Variants in SLC14A2 observed in about 807,000 individuals in gnomAD.
SLC14A2 encodes urea transporter 2.
A neutral mutation model predicts 104.6 loss-of-function variants in SLC14A2; 91 were observed. That is an observed-to-expected ratio of 0.87 (90% CI 0.73 to 1.04). The LOEUF (loss-of-function observed/expected upper bound fraction) is 1.04, where lower values mean the gene tolerates loss of function less well. SLC14A2 is among the 50% of genes least tolerant of loss of function. The pLI is 0.00. For synonymous variants in SLC14A2, 476 were observed against 466.4 expected, an observed-to-expected ratio of 1.02 and a Z score of -0.27; for missense variants, 1,189 against 1,156.0, an observed-to-expected ratio of 1.03 and a Z score of -0.41.
At chr18:45,277,230 T>C (rs985229944) in intron 1 of SLC14A2, among the ~76,000 whole-genome samples, 3 of 152,216 alleles carry the variant, frequency 2.0e-5, no homozygotes, top group Admixed American at 1.3e-4. Context: ...CAAGTAACCA[T>C]ATTTTATGAA....
At chr18:45,279,621 C>G (rs2084740733) in intron 1 of SLC14A2, among the ~76,000 whole-genome samples, 1 of 151,926 alleles carries the variant, frequency 6.6e-6, no homozygotes, top group African/African-American at 2.4e-5. Context: ...AGCAGAAGAT[C>G]TTTTTGCCAG....
At position 45,642,506 on chromosome 18, in the gene SLC14A2, C is replaced by T. The variant is rs112273597; in HGVS notation, c.1127-626C>T. Among the ~76,000 whole-genome samples the T allele has an allele frequency of 8.5e-5, 13 of 152,194 alleles. 1 individual carries two copies. Among genetic ancestry groups the T allele is most frequent in the Admixed American group, 2.0e-4 (3 of 15,282 alleles). ...ACAAAGAGAGAGGGAAGAGGTGTTC[C>T]GGACAGAGAAGGAGAAAGAGCAAAG... is the stretch of plus-strand genomic sequence containing the variant. On this transcript the variant is annotated intron_variant, in intron 8 of 19. Transcript: ENST00000255226.
chr18:45,462,159 C>T (rs1187577957), intron 1 of SLC14A2, among the ~76,000 whole-genome samples: 1 of 152,188 alleles, frequency 6.6e-6, no homozygotes, highest in Non-Finnish European at 1.5e-5. Context: ...TTCTTTTTCC[C>T]TCTTCAGCAG....
intron 4 of SLC14A2, among the ~76,000 whole-genome samples, chr18:45,630,602 C>T (rs1212602876): frequency 6.6e-6 from 1 of 152,182 alleles, no homozygotes; most frequent in African/African-American, 2.4e-5. Flanking sequence ...TGGAGGGACA[C>T]TCTCCACAGG....
At chr18:45,219,024 A>G (rs891601117) in intron 1 of SLC14A2, among the ~76,000 whole-genome samples, 4 of 152,206 alleles carry the variant, frequency 2.6e-5, no homozygotes, top group Non-Finnish European at 5.9e-5. Context: ...TAAAATCTTT[A>G]AGAAGATAAC....
At chr18:45,301,534 T>C (rs969431497) in intron 1 of SLC14A2, among the ~76,000 whole-genome samples, 23 of 152,316 alleles carry the variant, frequency 1.5e-4, no homozygotes, top group African/African-American at 5.5e-4. Context: ...ATAGATGGTG[T>C]AACTGATAAA....
intron 10 of SLC14A2, among the ~76,000 whole-genome samples, chr18:45,662,189 G>A (rs958251672): frequency 6.6e-6 from 1 of 152,142 alleles, no homozygotes; most frequent in Admixed American, 6.5e-5. Flanking sequence ...TGTAATCCCA[G>A]CTACTCAGGA....
intron 12 of SLC14A2, 74 bp downstream of exon 12, chr18:45,666,293 A>T: frequency 1.0e-6 from 1 of 999,676 alleles, no homozygotes; most frequent in Non-Finnish European, 1.6e-6. Flanking sequence ...GGGAGCTGAG[A>T]GCTGTAAACA....
At chr18:45,460,081 C>T (rs147247420) in intron 1 of SLC14A2, among the ~76,000 whole-genome samples, 34 of 152,294 alleles carry the variant, frequency 2.2e-4, no homozygotes, top group African/African-American at 8.2e-4. Flanking sequence ...TAAGATAGAG[C>T]CATTGGGTTC....
intron 1 of SLC14A2, among the ~76,000 whole-genome samples, chr18:45,446,885 G>A (rs1334230361): frequency 1.3e-5 from 2 of 152,162 alleles, no homozygotes; most frequent in Non-Finnish European, 2.9e-5. Flanking sequence ...GTGACTGTCA[G>A]CATTTTCATG....
chr18:45,316,938 TA>T (rs1206872393), intron 1 of SLC14A2, among the ~76,000 whole-genome samples: 1 of 152,198 alleles, frequency 6.6e-6, no homozygotes, highest in African/African-American at 2.4e-5. Context: ...GGCCCTGCAG[TA>T]ATCATGGCTT....
chr18:45,481,689 AGG>A (rs2087496342), intron 1 of SLC14A2, among the ~76,000 whole-genome samples: 1 of 152,212 alleles, frequency 6.6e-6, no homozygotes, highest in Non-Finnish European at 1.5e-5. Context: ...GAAAAAAAAC[AGG>A]ATTTTCAAAC....
At chr18:45,347,056 T>A (rs2085456740) in intron 1 of SLC14A2, among the ~76,000 whole-genome samples, 1 of 152,064 alleles carries the variant, frequency 6.6e-6, no homozygotes. Context: ...TTATATTTTC[T>A]TTTTTAAAAA....
At chr18:45,363,217 C>G (rs2085632036) in intron 1 of SLC14A2, among the ~76,000 whole-genome samples, 1 of 152,080 alleles carries the variant, frequency 6.6e-6, no homozygotes, top group Non-Finnish European at 1.5e-5. Context: ...TGAAACCATC[C>G]AAATCTAATT....
the SLC14A2 span, among the ~76,000 whole-genome samples, chr18:45,188,316 T>C: frequency 6.6e-6 from 1 of 152,124 alleles, no homozygotes. Flanking sequence ...ATTTATAGAA[T>C]CTTTGGACAC....
At position 45,464,227 on chromosome 18, in the gene SLC14A2, C is replaced by T. The variant is rs11662337; in HGVS notation, c.-124-19006C>T. On this transcript the variant is annotated intron_variant, in intron 1 of 20. Coordinates refer to the SLC14A2 transcript ENST00000586448. ...GTTCTTGTCTGGTCTTTGCTACCAA[C>T]TAACTGTCTGATTTAGGGTAACTTA... Among the ~76,000 whole-genome samples the T allele has an allele frequency of 5.4e-3, 819 of 152,294 alleles. 8 individuals are homozygous for T. Among genetic ancestry groups the T allele is most frequent in the African/African-American group, 0.019 (776 of 41,556 alleles).
At chr18:45,631,831 G>A (rs2032889771) in intron 4 of SLC14A2, among the ~76,000 whole-genome samples, 1 of 152,172 alleles carries the variant, frequency 6.6e-6, no homozygotes, top group African/African-American at 2.4e-5. Flanking sequence ...ATGTTGCCCA[G>A]GCTGGTTGAA....
chr18:45,656,318 C>CAG (rs1459721720), intron 10 of SLC14A2, among the ~76,000 whole-genome samples: 9 of 72,540 alleles, frequency 1.2e-4, no homozygotes, highest in Admixed American at 7.5e-4. Context: ...GGAGGGAGAA[C>CAG]AGAGGGCCAG....
intron 1 of SLC14A2, among the ~76,000 whole-genome samples, chr18:45,416,176 T>A (rs1278499528): frequency 6.6e-6 from 1 of 152,104 alleles, no homozygotes; most frequent in Non-Finnish European, 1.5e-5. Flanking sequence ...CATTTGCCTA[T>A]TTTTTTCTTT....
Sources: gnomAD v4.1 joint callset for allele counts (sites outside exome capture counted in the v4.1 genomes callset) on GRCh38, gnomAD v4.1.1 for gene constraint, MANE v1.5 for transcripts, NCBI Gene and HGNC (gene_info 2026-07-23, HGNC 2026-07-21) for gene names.